LIMCH1: variants seen among roughly 807,000 people sequenced by gnomAD.
LIMCH1 encodes LIM and calponin homology domains 1, also known as LIM and calponin homology domains-containing protein 1.
In LIMCH1, 113 loss-of-function variants were observed where a neutral mutation model predicts 176.5. The observed-to-expected ratio is 0.64, with a 90% CI of 0.55 to 0.75. LIMCH1 has a LOEUF of 0.75. LIMCH1 is among the 30% of genes least tolerant of loss of function. The probability of loss-of-function intolerance (pLI) is 0.00; values close to 1 mark genes in which losing one functional copy is unlikely to be tolerated. For synonymous variants in LIMCH1, 619 were observed against 645.9 expected, an observed-to-expected ratio of 0.96 and a Z score of 0.63; for missense variants, 1,674 against 1,814.9, an observed-to-expected ratio of 0.92 and a Z score of 1.41.
chr4:41,613,192 T>A, intron 4 of LIMCH1: 6 of 1,148,282 alleles, frequency 5.2e-6, no homozygotes, highest in Non-Finnish European at 5.1e-6. Context: ...CTTTCTCTAC[T>A]CTTTTTTTTT....
intron 2 of LIMCH1, among the ~76,000 whole-genome samples, chr4:41,498,276 T>A (rs2072578476): frequency 6.6e-6 from 1 of 152,134 alleles, no homozygotes; most frequent in Non-Finnish European, 1.5e-5. Context: ...ACATACAGCA[T>A]GTACGATGGA....
chr4:41,509,130 C>T (rs1217672388), intron 2 of LIMCH1, among the ~76,000 whole-genome samples: 1 of 152,162 alleles, frequency 6.6e-6, no homozygotes, highest in East Asian at 1.9e-4. Flanking sequence ...GATGCTGGAA[C>T]AAGTGGAAGC....
At chr4:41,646,450 G>A in intron 16 of LIMCH1, 35 bp from the exon 17 acceptor site, 1 of 1,593,530 alleles carries the variant, frequency 6.3e-7, no homozygotes, top group East Asian at 2.2e-5. Context: ...ATTTTCATTA[G>A]TTGACTTTGT....
upstream of LIMCH1, chr4:41,360,619 C>T (rs1409065294): frequency 3.6e-6 from 1 of 278,024 alleles, no homozygotes; most frequent in Non-Finnish European, 6.6e-6. The surrounding 1 kb of genome is among the most constrained non-coding windows in gnomAD (Gnocchi z 4.5). Context: ...CGCTCGCTCC[C>T]GCGGGTCACT....
chr4:41,383,292 G>A (rs1014813881), intron 1 of LIMCH1, among the ~76,000 whole-genome samples: 1 of 152,116 alleles, frequency 6.6e-6, no homozygotes, highest in Non-Finnish European at 1.5e-5. Context: ...TGGTCTAGTG[G>A]GGAGACACAC....
At chr4:41,670,819 T>C in intron 21 of LIMCH1, 5 of 1,535,038 alleles carry the variant, frequency 3.3e-6, no homozygotes, top group Non-Finnish European at 4.4e-6. Flanking sequence ...GTAGCTGTAT[T>C]TCTTTTGTGC....
At chr4:41,405,347 G>T (rs933060447) in intron 1 of LIMCH1, among the ~76,000 whole-genome samples, 5 of 152,092 alleles carry the variant, frequency 3.3e-5, no homozygotes, top group African/African-American at 1.2e-4. Flanking sequence ...TCTAGTATGT[G>T]TTGTTCAGGT....
intron 22 of LIMCH1, among the ~76,000 whole-genome samples, chr4:41,672,310 C>G (rs2095070190): frequency 6.6e-6 from 1 of 151,914 alleles, no homozygotes; most frequent in Admixed American, 6.6e-5. Context: ...GAAGAGGTTG[C>G]AGTGAGCCAA....
intron 15 of LIMCH1, 123 bp downstream of exon 15, chr4:41,644,749 G>T: frequency 8.4e-7 from 1 of 1,186,114 alleles, no homozygotes; most frequent in Non-Finnish European, 1.2e-6. Context: ...GGTTTCAAAA[G>T]GTGACACGGT....
At chr4:41,421,574 A>G (rs1215922094) in intron 1 of LIMCH1, among the ~76,000 whole-genome samples, 1 of 152,192 alleles carries the variant, frequency 6.6e-6, no homozygotes, top group Non-Finnish European at 1.5e-5. Flanking sequence ...AAACTGAGGT[A>G]TATTGCAGTT....
chr4:41,442,065 C>T (rs1395394928), intron 1 of LIMCH1, among the ~76,000 whole-genome samples: 3 of 152,132 alleles, frequency 2.0e-5, no homozygotes, highest in African/African-American at 4.8e-5. Context: ...TGCCTGTAAT[C>T]CCAGCAATTT....
intron 1 of LIMCH1, among the ~76,000 whole-genome samples, chr4:41,539,334 C>A (rs2078329249): frequency 6.6e-6 from 1 of 152,118 alleles, no homozygotes. Flanking sequence ...AGGGGTTTGT[C>A]CTGTGCTGCG....
intron 1 of LIMCH1, among the ~76,000 whole-genome samples, chr4:41,488,415 ATTTC>A (rs1197235737): frequency 7.9e-5 from 12 of 152,168 alleles, no homozygotes; most frequent in Non-Finnish European, 1.2e-4. Context: ...ATCTTTCTTA[ATTTC>A]TTTATTTTGG....
chr4:41,682,451 A>G lies in LIMCH1; in HGVS notation c.3836A>G (p.Glu1279Gly). 1 of 1,612,860 alleles carries G rather than the reference A, an allele frequency of 6.2e-7. No individual in the cohort carries two copies. The highest frequency in any genetic ancestry group is 1.1e-5 in the South Asian group (1 of 91,000). The change falls in exon 26 of 32, where the codon GAG becomes GGG. Residue 1279 changes from glutamate (E) to glycine (G), a missense_variant. This residue lies in a region of LIMCH1 where 1,015 missense variants were observed against 1,102.5 expected (regional missense o/e 0.92). Transcript: ENST00000503057. ...ACTAGGGAAAGTGATCGACTGGAGG[A>G]GAAGGGCAGGTATGAGCCCATCCCA... ...LKTRESDRLE[E>G]KGSLTEGALA...
At chr4:41,685,628 T>C in intron 27 of LIMCH1, 82 bp from the exon 28 acceptor site, 4 of 1,546,780 alleles carry the variant, frequency 2.6e-6, no homozygotes, top group Non-Finnish European at 3.6e-6. Context: ...CAACAGGCAT[T>C]AGCACTTTAA....
At chr4:41,368,623 T>C (rs948616891) in intron 1 of LIMCH1, among the ~76,000 whole-genome samples, 1 of 152,208 alleles carries the variant, frequency 6.6e-6, no homozygotes, top group Non-Finnish European at 1.5e-5. Flanking sequence ...CGTTGGATGC[T>C]ACACATACTT....
intron 1 of LIMCH1, among the ~76,000 whole-genome samples, chr4:41,546,998 C>CT (rs1561702505): frequency 6.6e-6 from 1 of 151,994 alleles, no homozygotes; most frequent in Admixed American, 6.6e-5. Flanking sequence ...TCCTATTATC[C>CT]TTTTTTGTAA....
Position 41,632,990 on chromosome 4 carries a change from G to A in LIMCH1, c.1734G>A (p.Gln578=). 6.5e-7 allele frequency: 1 copy of A among 1,535,808 alleles called. No homozygotes were observed. The highest frequency in any genetic ancestry group is 8.7e-7 in the Non-Finnish European group (1 of 1,146,612). ...CTCTGGCTTTAGTTACATCCAAACA[G>A]CTGCCACAGGATGGCAAAGAAGAAA... ...PRGTEEVTSK[Q]LPQDGKEETE... Residue 578 remains glutamine (Q), a synonymous_variant, in exon 12 of 32, where the codon CAG becomes CAA. Coordinates refer to ENST00000503057, the MANE Select transcript of LIMCH1 (RefSeq NM_001330672.2).
chr4:41,460,880 G>A (rs1364606162), intron 1 of LIMCH1, among the ~76,000 whole-genome samples: 1 of 152,204 alleles, frequency 6.6e-6, no homozygotes, highest in Non-Finnish European at 1.5e-5. Context: ...GCTGTCCTCA[G>A]TTCCCCTGAC....
Sources: gnomAD v4.1 joint callset for allele counts (sites outside exome capture counted in the v4.1 genomes callset) on GRCh38, gnomAD v4.1.1 for gene constraint, gnomAD v4.1.1 regional missense constraint, Gnocchi (gnomAD v3.1) non-coding constraint, MANE v1.5 for transcripts, NCBI Gene and HGNC (gene_info 2026-07-23, HGNC 2026-07-21) for gene names.